VTI1B: variants seen among roughly 807,000 people sequenced by gnomAD.
VTI1B encodes the protein vesicle transport through interaction with t-SNAREs homolog 1B.
Under a neutral mutation model 28.6 loss-of-function variants are expected in VTI1B, and 18 were observed. That is an observed-to-expected ratio of 0.63 (90% CI 0.43 to 0.93). The LOEUF (loss-of-function observed/expected upper bound fraction) is 0.93. Ranked by LOEUF, VTI1B falls within the 40% of genes least tolerant of loss-of-function variation. The pLI, the probability that VTI1B is intolerant of heterozygous loss-of-function variation, is 0.00. For synonymous variants in VTI1B, 100 were observed against 107.9 expected, an observed-to-expected ratio of 0.93 and a Z score of 0.46; for missense variants, 283 against 297.0, an observed-to-expected ratio of 0.95 and a Z score of 0.35.
chr14:67,673,276 G>A (rs2037491541), intron 1 of VTI1B, among the ~76,000 whole-genome samples: 1 of 152,058 alleles, frequency 6.6e-6, no homozygotes, highest in South Asian at 2.1e-4. Flanking sequence ...TCTGGGAAGT[G>A]GAGGTTGCAG....
chr14:67,663,099 C>A lies in VTI1B; in HGVS notation c.116-564G>T, dbSNP rs925503898. 5 of 1,507,528 alleles carry A rather than the reference C, an allele frequency of 3.3e-6. No individual in the cohort carries two copies. The South Asian group carries it at 5.1e-5, about 15-fold the overall frequency. 93.4% of individuals were successfully genotyped at this position (1,507,528 alleles called of 1,614,324 possible). A position where few individuals can be genotyped will look rare whatever the true frequency, so the allele number is the denominator to read the frequency against. On this transcript the variant is annotated intron_variant, in intron 1 of 5. Transcript: ENST00000554659. Reference sequence around the variant, plus strand: ...GGTGTGGCACCGGCAATGACTTGAACGATGAGAACGTTATTCATTCCCCTT... The same window carrying A: ...GGTGTGGCACCGGCAATGACTTGAAAGATGAGAACGTTATTCATTCCCCTT...
At position 67,669,270 on chromosome 14, in the gene VTI1B, ATT is replaced by A. The variant is rs33972864; in HGVS notation, c.115+5103_115+5104del. Among the ~76,000 whole-genome samples the A allele has an allele frequency of 1.2e-3, 162 of 139,950 alleles. 2 individuals carry two copies. Among genetic ancestry groups the A allele is most frequent in the African/African-American group, 3.1e-3 (114 of 36,968 alleles). 91.8% of individuals were successfully genotyped at this position (139,950 alleles called of 152,430 possible). A position where few individuals can be genotyped will look rare whatever the true frequency, so the allele number is the denominator to read the frequency against. On this transcript the variant is annotated intron_variant, in intron 1 of 5. Transcript: ENST00000554659. ...CTCTCAATTCACATACTTCTTCATA[ATT>A]TTTTTTTTTTTTTTTGAGACGGAGT...
At position 67,656,419 on chromosome 14, in the gene VTI1B, AC is replaced by A; in HGVS notation, c.536del (p.Ser179IlefsTer4). ...TTCCCTGTCTGCCCAGACTTACTCT[AC>A]TCTTGGTACGTTCTAACTGGTCTCG... ...EQRDQLERTK[S>X]RLVNTSENLS... On this transcript the variant is annotated frameshift_variant, in exon 4 of 6. Coordinates refer to ENST00000554659, the MANE Select transcript of VTI1B (RefSeq NM_006370.3). LOFTEE classifies it high-confidence loss of function. 1 of 1,604,034 alleles carries A rather than the reference AC, an allele frequency of 6.2e-7. No homozygotes were observed. The highest frequency in any genetic ancestry group is 8.5e-7 in the Non-Finnish European group (1 of 1,174,534).
intron 3 of VTI1B, among the ~76,000 whole-genome samples, chr14:67,659,488 A>C (rs2037308442): frequency 6.6e-6 from 1 of 152,056 alleles, no homozygotes; most frequent in South Asian, 2.1e-4. Context: ...TTTTATTATA[A>C]GACTGTATTA....
At chr14:67,671,397 G>A (rs577650492) in intron 1 of VTI1B, among the ~76,000 whole-genome samples, 3 of 152,116 alleles carry the variant, frequency 2.0e-5, no homozygotes, top group East Asian at 1.9e-4. Context: ...GTGGTAGCAT[G>A]CGCCTGTAAT....
At chr14:67,654,052 T>C (rs1194478374) in intron 4 of VTI1B, among the ~76,000 whole-genome samples, 1 of 152,220 alleles carries the variant, frequency 6.6e-6, no homozygotes, top group African/African-American at 2.4e-5. Context: ...GATGGCTACT[T>C]GCCATCTGTT....
intron 3 of VTI1B, among the ~76,000 whole-genome samples, chr14:67,657,751 C>CTT (rs548633018): frequency 8.0e-4 from 92 of 115,114 alleles, no homozygotes; most frequent in African/African-American, 2.5e-3. Flanking sequence ...TTCTTTCTTT[C>CTT]TTTTTTTTTT....
At chr14:67,660,135 A>G in intron 2 of VTI1B, 3 of 495,598 alleles carry the variant, frequency 6.1e-6, no homozygotes, top group Non-Finnish European at 7.1e-6. Flanking sequence ...GCATTCGAGT[A>G]TATGAACTGA....
At chr14:67,668,877 G>A (rs2037433543) in intron 1 of VTI1B, among the ~76,000 whole-genome samples, 1 of 152,080 alleles carries the variant, frequency 6.6e-6, no homozygotes, top group Middle Eastern at 3.2e-3. Flanking sequence ...CTGTCCTAGT[G>A]AAAGGAAGAC....
intron 1 of VTI1B, among the ~76,000 whole-genome samples, chr14:67,674,058 A>C (rs2037502170): frequency 6.6e-6 from 1 of 152,224 alleles, no homozygotes; most frequent in Admixed American, 6.5e-5. Flanking sequence ...AAAACAAACA[A>C]AAACAGCTAT....
chr14:67,650,676 C>A lies in VTI1B; in HGVS notation c.*709G>T. The stretch of plus-strand genomic sequence containing the variant: ...GGATGACCCTCACTGAGAGTAGCAG[C>A]AAGGGAACCTGAGGTTTTGTCACAC... On this transcript the variant is annotated 3_prime_UTR_variant, in exon 6 of 6. Transcript: ENST00000554659. 2 of 1,586,702 alleles carry A rather than the reference C, an allele frequency of 1.3e-6. No individual in the cohort carries two copies. Among genetic ancestry groups the A allele is most frequent in the Non-Finnish European group, 1.7e-6 (2 of 1,156,648 alleles).
At position 67,650,512 on chromosome 14, in the gene VTI1B, A is replaced by C. The variant is rs949245578; in HGVS notation, c.*873T>G. 2.9e-5 allele frequency: 17 copies of C among 586,470 alleles called. No homozygotes were observed. The highest frequency in any genetic ancestry group is 3.0e-6 in the Non-Finnish European group (1 of 329,210). 36.3% of individuals were successfully genotyped at this position (586,470 alleles called of 1,614,324 possible). ...TTCATTATCTTAAAAGGTTTCTTTT[A>C]ATCTACTATAGCACAACAGTGTTTT... On this transcript the variant is annotated 3_prime_UTR_variant, in exon 6 of 6. Transcript: ENST00000554659.
intron 1 of VTI1B, among the ~76,000 whole-genome samples, chr14:67,673,639 T>A (rs748417694): frequency 1.3e-5 from 2 of 152,198 alleles, no homozygotes; most frequent in African/African-American, 2.4e-5. Flanking sequence ...TGACCTTGAG[T>A]AATTCGTTGA....
chr14:67,663,258 T>C, intron 1 of VTI1B: 1 of 1,133,960 alleles, frequency 8.8e-7, no homozygotes, highest in Non-Finnish European at 1.3e-6. Context: ...ATTGTCTTAA[T>C]TGTATTTTCT....
Position 67,656,594 on chromosome 14 carries a change from A to T in VTI1B, c.367-5T>A. On this transcript the variant is annotated splice_polypyrimidine_tract_variant and splice_region_variant and intron_variant, in intron 3 of 5. Coordinates refer to ENST00000554659, the MANE Select transcript of VTI1B (RefSeq NM_006370.3). Reference sequence around the variant, plus strand: ...CCTTTGAGACTGTAGCCGATTCTGAAAGAAGTATGGAAGAGAAATGTTAGA... The same window carrying T: ...CCTTTGAGACTGTAGCCGATTCTGATAGAAGTATGGAAGAGAAATGTTAGA... 1 of 1,598,174 alleles carries T rather than the reference A, an allele frequency of 6.3e-7. No homozygotes were observed. The highest frequency in any genetic ancestry group is 1.1e-5 in the South Asian group (1 of 89,036).
At position 67,647,983 on chromosome 14, in the gene VTI1B, T is replaced by G; in HGVS notation, c.*3402A>C. On this transcript the variant is annotated 3_prime_UTR_variant, in exon 6 of 6. Transcript: ENST00000554659. ...CAAGGAGTTGCAACCATAAGAAGGA[T>G]GAGTGTCCAAGGACAACCAGTTAAG... is the stretch of plus-strand genomic sequence containing the variant. 3 of 1,460,382 alleles carry G rather than the reference T, an allele frequency of 2.1e-6. No homozygotes were observed. The highest frequency in any genetic ancestry group is 2.8e-6 in the Non-Finnish European group (3 of 1,070,966). The allele number at this position is 1,460,382 out of a possible 1,614,324, so 90.5% of individuals were successfully genotyped here.
Position 67,650,746 on chromosome 14 carries a change from C to G in VTI1B, c.*639G>C. On this transcript the variant is annotated 3_prime_UTR_variant, in exon 6 of 6. Coordinates refer to ENST00000554659, the MANE Select transcript of VTI1B (RefSeq NM_006370.3). ...TATCAGCACTGGATCTTGTTGAAGT[C>G]AATCCTCAGTTGGCCACCTCAGAGG... is the stretch of plus-strand genomic sequence containing the variant. 1 of 1,614,076 alleles carries G rather than the reference C, an allele frequency of 6.2e-7. No individual in the cohort carries two copies. The highest frequency in any genetic ancestry group is 1.1e-5 in the South Asian group (1 of 91,066).
At chr14:67,669,988 G>C (rs545399002) in intron 1 of VTI1B, among the ~76,000 whole-genome samples, 1 of 152,096 alleles carries the variant, frequency 6.6e-6, no homozygotes, top group Non-Finnish European at 1.5e-5. Context: ...CCAGCTACTC[G>C]GGAGGCTGAG....
At position 67,667,055 on chromosome 14, in the gene VTI1B, C is replaced by A. The variant is rs1001225281; in HGVS notation, c.116-4520G>T. Among the ~76,000 whole-genome samples the A allele has an allele frequency of 3.9e-5, 6 of 152,322 alleles. No homozygotes were observed. The East Asian group carries it at 1.2e-3, about 29-fold the overall frequency. On this transcript the variant is annotated intron_variant, in intron 1 of 5. Coordinates refer to ENST00000554659, the MANE Select transcript of VTI1B (RefSeq NM_006370.3). ...TCAAATACCACTATCCCCCACCCCA[C>A]AAGCCTGCCCAAATCAGTCACATGT...
Sources: allele counts gnomAD v4.1 joint callset (sites outside exome capture counted in the v4.1 genomes callset), GRCh38; gene constraint gnomAD v4.1.1; transcripts MANE v1.5; gene names NCBI Gene and HGNC (gene_info 2026-07-23, HGNC 2026-07-21).